The following CPXM2 variants were observed in gnomAD, a reference collection of about 807,000 sequenced individuals.
The protein encoded by CPXM2 is carboxypeptidase X, M14 family member 2.
A neutral mutation model predicts 86.1 loss-of-function variants in CPXM2; 66 were observed. The ratio of observed to expected loss-of-function variants is 0.77; its 90% confidence interval spans 0.63 to 0.94. The LOEUF is 0.94. CPXM2 is among the 40% of genes least tolerant of loss of function. The probability of loss-of-function intolerance (pLI) is 0.00; values close to 1 mark genes in which losing one functional copy is unlikely to be tolerated. For synonymous variants in CPXM2, 388 were observed against 400.2 expected, an observed-to-expected ratio of 0.97 and a Z score of 0.36; for missense variants, 948 against 1,026.3, an observed-to-expected ratio of 0.92 and a Z score of 1.04.
chr10:123,782,418 G>C (rs889220743), intron 6 of CPXM2, among the ~76,000 whole-genome samples: 1 of 152,140 alleles, frequency 6.6e-6, no homozygotes, highest in Non-Finnish European at 1.5e-5. Flanking sequence ...AGAGCCCTAA[G>C]TACAAAAGAG....
At chr10:123,867,172 C>T (rs549545977) in intron 2 of CPXM2, among the ~76,000 whole-genome samples, 11 of 152,378 alleles carry the variant, frequency 7.2e-5, no homozygotes, top group African/African-American at 2.4e-4. Context: ...CACAAGCCCA[C>T]TATCCCACAT....
At chr10:123,780,718 T>G (rs1359361197) in intron 6 of CPXM2, among the ~76,000 whole-genome samples, 1 of 144,402 alleles carries the variant, frequency 6.9e-6, no homozygotes. Flanking sequence ...TATAAGCCTT[T>G]TACCCAGCAT....
chr10:123,792,137 T>C (rs1282691827), intron 6 of CPXM2, among the ~76,000 whole-genome samples: 2 of 152,178 alleles, frequency 1.3e-5, no homozygotes, highest in Non-Finnish European at 2.9e-5. Flanking sequence ...ACAGGGTTAA[T>C]GGGGAGGAAG....
At chr10:123,768,810 C>G in intron 8 of CPXM2, 88 bp from the exon 9 acceptor site, 1 of 1,176,568 alleles carries the variant, frequency 8.5e-7, no homozygotes, top group East Asian at 2.4e-5. Context: ...GGGGGAAAGT[C>G]TTGAATAATA....
At chr10:123,874,144 T>C (rs1198579105) in intron 2 of CPXM2, among the ~76,000 whole-genome samples, 3 of 151,926 alleles carry the variant, frequency 2.0e-5, no homozygotes, top group African/African-American at 7.3e-5. Flanking sequence ...ATTACAGGAG[T>C]GAGCCACCAT....
chr10:123,833,470 G>A (rs186092223), intron 4 of CPXM2, among the ~76,000 whole-genome samples: 113 of 152,352 alleles, frequency 7.4e-4, no homozygotes, highest in Non-Finnish European at 1.2e-3. Flanking sequence ...GGTGCTGGAG[G>A]TCCCAGCTAG....
At chr10:123,780,703 G>A (rs531855941) in intron 6 of CPXM2, among the ~76,000 whole-genome samples, 1 of 151,940 alleles carries the variant, frequency 6.6e-6, no homozygotes, top group East Asian at 1.9e-4. Flanking sequence ...GAAGGATGTG[G>A]ACCCTATAAG....
At position 123,865,315 on chromosome 10, in the gene CPXM2, C is replaced by A. The variant is rs921453253; in HGVS notation, c.404-2592G>T. Among the ~76,000 whole-genome samples, 2 of 152,220 alleles carry A rather than the reference C, an allele frequency of 1.3e-5. No homozygotes were observed. The highest frequency in any genetic ancestry group is 6.5e-5 in the Admixed American group (1 of 15,276). ...TTACAAAGAAGCTAGAGATTCCACA[C>A]AGAGAAAACACAATGTCCTTGAAAG... On this transcript the variant is annotated intron_variant, in intron 2 of 13. Transcript: ENST00000241305. The surrounding 1 kb of genome is among the most constrained non-coding windows in gnomAD (Gnocchi z 4.7).
chr10:123,748,158 C>T (rs61370417), intron 13 of CPXM2, among the ~76,000 whole-genome samples: 61 of 152,128 alleles, frequency 4.0e-4, no homozygotes, highest in African/African-American at 1.4e-3. Flanking sequence ...CCCTTTTCTA[C>T]GTGAGTAATT....
chr10:123,812,716 G>A (rs1847719481), intron 4 of CPXM2, among the ~76,000 whole-genome samples: 1 of 152,200 alleles, frequency 6.6e-6, no homozygotes, highest in African/African-American at 2.4e-5. Context: ...ACAGGAGCAT[G>A]AACCCTATTG....
intron 2 of CPXM2, among the ~76,000 whole-genome samples, chr10:123,875,952 G>T (rs924481533): frequency 2.9e-4 from 44 of 151,652 alleles, no homozygotes; most frequent in Non-Finnish European, 1.0e-4. Flanking sequence ...AAGCATCTGG[G>T]ATTACAAGTG....
chr10:123,902,126 G>T (rs1291324959), intron 2 of CPXM2, among the ~76,000 whole-genome samples: 1 of 152,206 alleles, frequency 6.6e-6, no homozygotes, highest in African/African-American at 2.4e-5. Context: ...GGGGTGAAGG[G>T]TGTCAAATAT....
intron 2 of CPXM2, among the ~76,000 whole-genome samples, chr10:123,934,980 C>T (rs939986298): frequency 2.0e-5 from 3 of 152,164 alleles, no homozygotes; most frequent in Admixed American, 6.5e-5. Flanking sequence ...TCTTTGGGTA[C>T]GACCTAGCCA....
At chr10:123,819,603 T>G (rs898159094) in intron 4 of CPXM2, among the ~76,000 whole-genome samples, 5 of 152,258 alleles carry the variant, frequency 3.3e-5, no homozygotes, top group African/African-American at 1.2e-4. Context: ...TGAGATTTAT[T>G]GACTTCATAT....
chr10:123,862,570 A>AT, intron 3 of CPXM2, 44 bp downstream of exon 3: 1 of 1,548,096 alleles, frequency 6.5e-7, no homozygotes, highest in Non-Finnish European at 8.9e-7. Context: ...AACCAGAGCA[A>AT]TAAACAAGGC....
At chr10:123,815,057 A>G (rs1195153521) in intron 4 of CPXM2, among the ~76,000 whole-genome samples, 1 of 152,234 alleles carries the variant, frequency 6.6e-6, no homozygotes, top group Non-Finnish European at 1.5e-5. Flanking sequence ...AAATAAATAC[A>G]TTTGACACTC....
chr10:123,768,975 G>T (rs574437311), intron 8 of CPXM2, among the ~76,000 whole-genome samples: 1 of 152,116 alleles, frequency 6.6e-6, no homozygotes, highest in Non-Finnish European at 1.5e-5. Flanking sequence ...CCATTTTTAC[G>T]TACCAAGAAC....
At chr10:123,883,320 T>C (rs1412792860) in intron 1 of CPXM2, among the ~76,000 whole-genome samples, 1 of 152,192 alleles carries the variant, frequency 6.6e-6, no homozygotes, top group African/African-American at 2.4e-5. Context: ...CAGCTGGTGG[T>C]TGGAAGTGCA....
At chr10:123,834,620 G>A (rs1021958416) in intron 4 of CPXM2, among the ~76,000 whole-genome samples, 2 of 152,190 alleles carry the variant, frequency 1.3e-5, no homozygotes, top group Non-Finnish European at 2.9e-5. Context: ...CATGAGCGAA[G>A]GGAATGACAT....
Sources: allele counts gnomAD v4.1 joint callset (sites outside exome capture counted in the v4.1 genomes callset), GRCh38; gene constraint gnomAD v4.1.1; non-coding constraint Gnocchi (gnomAD v3.1); transcripts MANE v1.5; gene names NCBI Gene and HGNC (gene_info 2026-07-23, HGNC 2026-07-21).